BANK1: variants seen among roughly 807,000 people sequenced by gnomAD.
The protein encoded by BANK1 is B-cell scaffold protein with ankyrin repeats.
A neutral mutation model predicts 94.5 loss-of-function variants in BANK1; 95 were observed. That is an observed-to-expected ratio of 1.00 (90% confidence interval 0.85 to 1.19). BANK1 has a LOEUF of 1.19. Ranked by LOEUF, BANK1 falls within the 50% of genes most tolerant of loss-of-function variation. The probability of loss-of-function intolerance (pLI) is 0.00; values close to 1 mark genes in which losing one functional copy is unlikely to be tolerated. For synonymous variants in BANK1, 334 were observed against 308.4 expected, an observed-to-expected ratio of 1.08 and a Z score of -0.87; for missense variants, 987 against 932.2, an observed-to-expected ratio of 1.06 and a Z score of -0.77.
chr4:102,056,275 G>A (rs1578483434), intron 11 of BANK1, among the ~76,000 whole-genome samples: 1 of 152,022 alleles, frequency 6.6e-6, no homozygotes, highest in African/African-American at 2.4e-5. Flanking sequence ...ATATTTTTAT[G>A]AGTCTATGCC....
intron 13 of BANK1, among the ~76,000 whole-genome samples, chr4:102,063,406 C>T (rs1026607565): frequency 6.6e-6 from 1 of 151,174 alleles, no homozygotes; most frequent in African/African-American, 2.4e-5. Context: ...TCATAATGAA[C>T]CAGAGAATAT....
intron 7 of BANK1, among the ~76,000 whole-genome samples, chr4:101,997,554 C>CT (rs1026233789): frequency 1.7e-3 from 249 of 150,842 alleles, no homozygotes; most frequent in African/African-American, 4.8e-3. Context: ...TGGTACTAGG[C>CT]TTTTTTTTTA....
chr4:101,934,487 G>A (rs1175224394), intron 7 of BANK1, among the ~76,000 whole-genome samples: 10 of 151,440 alleles, frequency 6.6e-5, no homozygotes, highest in Non-Finnish European at 1.2e-4. Context: ...AGCAGTGAGA[G>A]CCTCCATCAC....
chr4:101,860,597 A>T (rs954894945), intron 3 of BANK1, among the ~76,000 whole-genome samples: 3 of 151,746 alleles, frequency 2.0e-5, no homozygotes, highest in African/African-American at 7.3e-5. Flanking sequence ...TGCCCGGGTA[A>T]TTTTCATGTC....
At chr4:101,986,090 C>T (rs981945306) in intron 7 of BANK1, among the ~76,000 whole-genome samples, 1 of 152,130 alleles carries the variant, frequency 6.6e-6, no homozygotes, top group African/African-American at 2.4e-5. Context: ...AAACTCAAAA[C>T]TCTCTTACTG....
rs377630589 is a variant in BANK1, at chr4:101,931,923, A to G, written c.1206+13734A>G. On this transcript the variant is annotated intron_variant, in intron 7 of 16. Transcript: ENST00000322953. ...GGCCATGGCAAAGCTATAAAAATCC[A>G]TAACAATTCAGGAGTAACTAACTAA... 1.4e-3 allele frequency among the ~76,000 whole-genome samples: 214 copies of G among 151,634 alleles called. 1 individual carries two copies. Among genetic ancestry groups the G allele is most frequent in the African/African-American group, 5.1e-3 (210 of 41,472 alleles).
At chr4:101,862,491 C>T (rs763629473) in intron 3 of BANK1, 35 bp from the exon 4 acceptor site, 1 of 1,554,968 alleles carries the variant, frequency 6.4e-7, no homozygotes, top group Non-Finnish European at 8.7e-7. Flanking sequence ...TAAACTTTTC[C>T]AAATGCTTAA....
At chr4:101,985,369 G>C (rs1725447796) in intron 7 of BANK1, among the ~76,000 whole-genome samples, 1 of 152,108 alleles carries the variant, frequency 6.6e-6, no homozygotes, top group African/African-American at 2.4e-5. Context: ...CGCCTTCACA[G>C]ATCCATCCAG....
At chr4:102,067,986 C>T (rs1458941902) in intron 13 of BANK1, among the ~76,000 whole-genome samples, 1 of 152,050 alleles carries the variant, frequency 6.6e-6, no homozygotes, top group African/African-American at 2.4e-5. Flanking sequence ...CTTATATTCT[C>T]TTACCACAAC....
intron 5 of BANK1, among the ~76,000 whole-genome samples, chr4:101,886,793 A>T (rs1349728242): frequency 6.6e-6 from 1 of 152,126 alleles, no homozygotes; most frequent in Admixed American, 6.5e-5. Context: ...AACTGAGCAC[A>T]ATCAAGCTTC....
chr4:101,861,502 A>C (rs1235595961), intron 3 of BANK1, among the ~76,000 whole-genome samples: 1 of 152,160 alleles, frequency 6.6e-6, no homozygotes, highest in Non-Finnish European at 1.5e-5. Context: ...CATAAAAAGA[A>C]TGTTTTATTT....
chr4:102,033,397 A>G (rs1303664808), intron 10 of BANK1, among the ~76,000 whole-genome samples: 4 of 152,172 alleles, frequency 2.6e-5, no homozygotes, highest in Admixed American at 1.3e-4. Context: ...TTTTCCTTTC[A>G]TTGATTTATT....
intron 1 of BANK1, among the ~76,000 whole-genome samples, chr4:101,808,095 A>T (rs1725622237): frequency 6.9e-6 from 1 of 145,652 alleles, no homozygotes; most frequent in Non-Finnish European, 1.5e-5. Flanking sequence ...AAAAAAAAAA[A>T]AGAAATGAAA....
At chr4:102,008,505 A>G (rs558017816) in intron 7 of BANK1, among the ~76,000 whole-genome samples, 79 of 152,318 alleles carry the variant, frequency 5.2e-4, no homozygotes, top group African/African-American at 1.8e-3. Flanking sequence ...AACAAACTCA[A>G]TTTCATCTAG....
chr4:102,041,113 C>A (rs144364989), intron 10 of BANK1, among the ~76,000 whole-genome samples: 100 of 152,152 alleles, frequency 6.6e-4, no homozygotes, highest in African/African-American at 2.3e-3. Context: ...ACCTATAACC[C>A]TACACTCAGT....
intron 7 of BANK1, among the ~76,000 whole-genome samples, chr4:102,017,388 T>A (rs1726740390): frequency 6.6e-6 from 1 of 152,192 alleles, no homozygotes. Context: ...TCCTCAAGCC[T>A]GATATTCATA....
At chr4:101,803,611 TTA>T (rs1725429226) in intron 1 of BANK1, among the ~76,000 whole-genome samples, 1 of 152,166 alleles carries the variant, frequency 6.6e-6, no homozygotes, top group African/African-American at 2.4e-5. Flanking sequence ...ATGGGTCTAC[TTA>T]TATGTGGATT....
At chr4:101,809,575 A>C (rs1189139254) in intron 1 of BANK1, among the ~76,000 whole-genome samples, 2 of 152,118 alleles carry the variant, frequency 1.3e-5, no homozygotes, top group Admixed American at 6.5e-5. Flanking sequence ...AAAAATGGAA[A>C]GATAATAATT....
intron 7 of BANK1, among the ~76,000 whole-genome samples, chr4:102,009,669 G>T (rs1560684052): frequency 6.6e-6 from 1 of 152,094 alleles, no homozygotes; most frequent in African/African-American, 2.4e-5. Context: ...TAACCCCATT[G>T]TGCCTTTTTT....
Sources: gnomAD v4.1 joint callset for allele counts (sites outside exome capture counted in the v4.1 genomes callset) on GRCh38, gnomAD v4.1.1 for gene constraint, MANE v1.5 for transcripts, NCBI Gene and HGNC (gene_info 2026-07-23, HGNC 2026-07-21) for gene names.